The following TAFA1 variants were observed in gnomAD, a reference collection of about 807,000 sequenced individuals.
TAFA1 encodes TAFA chemokine like family member 1, also known as chemokine-like protein TAFA-1.
A neutral mutation model predicts 18.5 loss-of-function variants in TAFA1; 4 were observed. The observed-to-expected ratio is 0.22, with a 90% CI of 0.11 to 0.49. The LOEUF (loss-of-function observed/expected upper bound fraction) is 0.49, where lower values mean the gene tolerates loss of function less well. TAFA1 is among the 20% of genes least tolerant of loss of function. The pLI, the probability that TAFA1 is intolerant of heterozygous loss-of-function variation, is 0.98. For synonymous variants in TAFA1, 56 were observed against 55.2 expected, an observed-to-expected ratio of 1.01 and a Z score of -0.06; for missense variants, 147 against 169.0, an observed-to-expected ratio of 0.87 and a Z score of 0.72.
intron 2 of TAFA1, among the ~76,000 whole-genome samples, chr3:68,125,187 G>A (rs1326267067): frequency 6.6e-6 from 1 of 152,132 alleles, no homozygotes; most frequent in Non-Finnish European, 1.5e-5. Context: ...TTTCACCCTG[G>A]GTGAATTTCA....
chr3:68,419,810 GAAGTATT>G (rs1403853397), intron 3 of TAFA1, among the ~76,000 whole-genome samples: 2 of 152,158 alleles, frequency 1.3e-5, no homozygotes, highest in Non-Finnish European at 2.9e-5. Context: ...AAGTAAAGAG[GAAGTATT>G]TTAAGAAAAT....
At chr3:68,302,512 GT>G (rs1014630674) in intron 2 of TAFA1, among the ~76,000 whole-genome samples, 6 of 151,810 alleles carry the variant, frequency 4.0e-5, no homozygotes, top group African/African-American at 1.4e-4. Context: ...CCAGCTATTT[GT>G]CCATTGCCCT....
chr3:68,126,346 A>G (rs2065464857), intron 2 of TAFA1, among the ~76,000 whole-genome samples: 1 of 152,224 alleles, frequency 6.6e-6, no homozygotes, highest in Non-Finnish European at 1.5e-5. Flanking sequence ...TGAGAAGATC[A>G]GTAGGGTACT....
intron 2 of TAFA1, among the ~76,000 whole-genome samples, chr3:68,381,435 T>C (rs1212097848): frequency 2.0e-5 from 3 of 152,102 alleles, no homozygotes; most frequent in African/African-American, 7.2e-5. Context: ...TTGTAGCCTC[T>C]TTTATTTCAT....
intron 3 of TAFA1, among the ~76,000 whole-genome samples, chr3:68,422,509 A>C (rs1322666463): frequency 6.6e-6 from 1 of 152,104 alleles, no homozygotes; most frequent in East Asian, 1.9e-4. Context: ...GTTTTCAAAA[A>C]CAAGAGAATA....
chr3:68,417,196 C>T (rs376238215), intron 2 of TAFA1, 84 bp from the exon 3 acceptor site: 60 of 1,143,984 alleles, frequency 5.2e-5, no homozygotes, highest in South Asian at 3.1e-4. Flanking sequence ...TTACTTTCCT[C>T]AACCCCGCTA....
intron 2 of TAFA1, among the ~76,000 whole-genome samples, chr3:68,384,465 T>C (rs2070047014): frequency 1.3e-5 from 2 of 152,254 alleles, no homozygotes; most frequent in South Asian, 2.1e-4. Context: ...GTAAATGTAC[T>C]TGTATGGTTT....
intron 2 of TAFA1, among the ~76,000 whole-genome samples, chr3:68,240,839 A>C (rs1160621346): frequency 6.6e-6 from 1 of 152,198 alleles, no homozygotes; most frequent in Non-Finnish European, 1.5e-5. Flanking sequence ...GAATAAGCAG[A>C]CATACCTCCT....
chr3:68,231,161 A>C (rs1163601829), intron 2 of TAFA1, among the ~76,000 whole-genome samples: 3 of 152,168 alleles, frequency 2.0e-5, no homozygotes, highest in Non-Finnish European at 4.4e-5. Context: ...CCAAGCATAG[A>C]GATACAAATT....
chr3:68,139,778 A>T (rs2065648732), intron 2 of TAFA1, among the ~76,000 whole-genome samples: 1 of 152,204 alleles, frequency 6.6e-6, no homozygotes, highest in South Asian at 2.1e-4. Context: ...CATCTTACTT[A>T]TCTGAACTCA....
At chr3:68,405,903 C>A (rs972816681) in intron 2 of TAFA1, among the ~76,000 whole-genome samples, 1 of 151,700 alleles carries the variant, frequency 6.6e-6, no homozygotes, top group Non-Finnish European at 1.5e-5. Flanking sequence ...TCCAGTGTTG[C>A]CTTTGAAATT....
intron 2 of TAFA1, among the ~76,000 whole-genome samples, chr3:68,385,087 C>T (rs1453392112): frequency 6.6e-6 from 1 of 151,710 alleles, no homozygotes; most frequent in Non-Finnish European, 1.5e-5. Context: ...AACTGTGGGA[C>T]CTTGGGTAAG....
At chr3:68,345,377 A>G (rs574502678) in intron 2 of TAFA1, among the ~76,000 whole-genome samples, 404 of 152,340 alleles carry the variant, frequency 2.7e-3, no homozygotes, top group Admixed American at 4.2e-3. Flanking sequence ...GTCTGTAGCT[A>G]TCATCCTTGC....
At chr3:68,230,215 C>T (rs1238320650) in intron 2 of TAFA1, among the ~76,000 whole-genome samples, 3 of 152,046 alleles carry the variant, frequency 2.0e-5, no homozygotes, top group Non-Finnish European at 1.5e-5. Flanking sequence ...GATCTTATTC[C>T]ATCCAACTAT....
chr3:68,254,159 GTCTATC>G (rs2067252160), intron 2 of TAFA1, among the ~76,000 whole-genome samples: 1 of 119,736 alleles, frequency 8.4e-6, no homozygotes, highest in African/African-American at 3.1e-5. Context: ...CTATCTATCT[GTCTATC>G]TATCTATCTA....
intron 3 of TAFA1, among the ~76,000 whole-genome samples, chr3:68,491,374 T>A (rs1412768971): frequency 1.3e-5 from 2 of 151,894 alleles, no homozygotes; most frequent in Non-Finnish European, 2.9e-5. Flanking sequence ...AAATGATGAG[T>A]TCATGTCCTT....
chr3:68,370,972 A>T (rs1325204581), intron 2 of TAFA1, among the ~76,000 whole-genome samples: 9 of 151,992 alleles, frequency 5.9e-5, no homozygotes, highest in Admixed American at 5.9e-4. Context: ...ATTTGCTTCT[A>T]ACTATAAAAT....
chr3:68,106,196 C>T (rs1201504317), intron 2 of TAFA1, among the ~76,000 whole-genome samples: 1 of 151,760 alleles, frequency 6.6e-6, no homozygotes, highest in African/African-American at 2.4e-5. Context: ...CAAACAAATA[C>T]TCTAGCCATA....
chr3:68,133,332 A>G (rs1308714286), intron 2 of TAFA1, among the ~76,000 whole-genome samples: 1 of 152,120 alleles, frequency 6.6e-6, no homozygotes, highest in East Asian at 1.9e-4. Flanking sequence ...TTTGCTTACA[A>G]TTATCTTGGC....
Sources: allele counts gnomAD v4.1 joint callset (sites outside exome capture counted in the v4.1 genomes callset), GRCh38; gene constraint gnomAD v4.1.1; transcripts MANE v1.5; gene names NCBI Gene and HGNC (gene_info 2026-07-23, HGNC 2026-07-21).